The following AGAP1 variants were observed in gnomAD, a reference collection of about 807,000 sequenced individuals.
The protein encoded by AGAP1 is arf-GAP with GTPase, ANK repeat and PH domain-containing protein 1.
AGAP1 carries 29 observed loss-of-function variants against 105.3 expected under a neutral mutation model. That is an observed-to-expected ratio of 0.28 (90% CI 0.21 to 0.38). AGAP1 has a LOEUF of 0.38. Ranked by LOEUF, AGAP1 falls within the 10% of genes least tolerant of loss-of-function variation. AGAP1 has a pLI of 1.00. For synonymous variants in AGAP1, 509 were observed against 485.9 expected, an observed-to-expected ratio of 1.05 and a Z score of -0.63; for missense variants, 998 against 1,165.1, an observed-to-expected ratio of 0.86 and a Z score of 2.09.
intron 9 of AGAP1, among the ~76,000 whole-genome samples, chr2:235,868,564 G>A (rs940703562): frequency 1.3e-5 from 2 of 152,178 alleles, no homozygotes; most frequent in East Asian, 1.9e-4. Context: ...ATCCCTGTGC[G>A]AGCAGAGGCC....
At chr2:235,999,825 G>C (rs891042393) in intron 13 of AGAP1, among the ~76,000 whole-genome samples, 20 of 152,056 alleles carry the variant, frequency 1.3e-4, no homozygotes, top group African/African-American at 4.6e-4. Flanking sequence ...AATGTTGGGG[G>C]TCAGGTCTGA....
intron 1 of AGAP1, among the ~76,000 whole-genome samples, chr2:235,646,850 G>T (rs1339027982): frequency 1.3e-5 from 2 of 152,184 alleles, no homozygotes; most frequent in Non-Finnish European, 1.5e-5. Flanking sequence ...AAAGTCAAGA[G>T]TCTTGCCGCG....
At chr2:236,013,841 G>A (rs1397143502) in intron 13 of AGAP1, among the ~76,000 whole-genome samples, 1 of 152,208 alleles carries the variant, frequency 6.6e-6, no homozygotes, top group Non-Finnish European at 1.5e-5. Context: ...GAAGAGTTGA[G>A]CCACCCTGTT....
Position 235,553,235 on chromosome 2 carries a change from G to A in AGAP1, c.163+58386G>A, listed in dbSNP as rs189265228. Among the ~76,000 whole-genome samples the A allele has an allele frequency of 6.6e-6, 1 of 151,494 alleles. No individual in the cohort carries two copies. Reference sequence around the variant, plus strand: ...TGTCTTAAGTCAGTACAGATTTTAGGCTTTTTATATTAAGGGCTGGGGGAA... The same window carrying A: ...TGTCTTAAGTCAGTACAGATTTTAGACTTTTTATATTAAGGGCTGGGGGAA... On this transcript the variant is annotated intron_variant, in intron 1 of 17. Transcript: ENST00000304032. This position sits in a 1 kb window ranked among gnomAD's most constrained non-coding sequence, Gnocchi z 4.5.
In AGAP1 at chr2:235,535,215, G is replaced by T. The variant is rs1943171524; in HGVS notation, c.163+40366G>T. 6.6e-6 allele frequency among the ~76,000 whole-genome samples: 1 copy of T among 152,112 alleles called. No homozygotes were observed. Among genetic ancestry groups the T allele is most frequent in the Admixed American group, 6.5e-5 (1 of 15,284 alleles). ...TTGCCTCCCATCGTTTGCAGGAGCG[G>T]AAGACCCGATGGAGCAGGTTTCACA... On this transcript the variant is annotated intron_variant, in intron 1 of 17. Coordinates refer to ENST00000304032, the MANE Select transcript of AGAP1 (RefSeq NM_001037131.3). This position sits in a 1 kb window ranked among gnomAD's most constrained non-coding sequence, Gnocchi z 5.1.
chr2:235,673,668 A>G (rs1948564731), intron 1 of AGAP1, among the ~76,000 whole-genome samples: 1 of 152,248 alleles, frequency 6.6e-6, no homozygotes, highest in Non-Finnish European at 1.5e-5. Context: ...TTTGGATTTC[A>G]GATTGACAGC....
chr2:236,035,882 G>A lies in AGAP1; in HGVS notation c.1646-679G>A, dbSNP rs1017324047. ...GTTAGAAAAAATGAACCTCAGGGGA[G>A]TCCAGGAACTTGCCCAAAGACTTAG... On this transcript the variant is annotated intron_variant, in intron 13 of 17. Transcript: ENST00000304032. The surrounding 1 kb of genome is among the most constrained non-coding windows in gnomAD (Gnocchi z 4.2). Among the ~76,000 whole-genome samples, 1 of 152,094 alleles carries A rather than the reference G, an allele frequency of 6.6e-6. No individual in the cohort carries two copies. The highest frequency in any genetic ancestry group is 1.5e-5 in the Non-Finnish European group (1 of 68,030).
intron 12 of AGAP1, among the ~76,000 whole-genome samples, chr2:235,935,977 C>T (rs933344582): frequency 2.6e-5 from 4 of 152,152 alleles, no homozygotes; most frequent in East Asian, 3.9e-4. Flanking sequence ...GAGCCTGGCC[C>T]GGCCCTCCCC....
At position 235,811,919 on chromosome 2, in the gene AGAP1, G is replaced by A. The variant is rs1559516740; in HGVS notation, c.1050+4588G>A. Among the ~76,000 whole-genome samples the A allele has an allele frequency of 2.6e-5, 4 of 152,208 alleles. No homozygotes were observed. In the South Asian group the frequency reaches 6.2e-4, roughly 24 times the overall value. ...TTTTGAGAGAACCAGGTCTCTGCTT[G>A]CCTTGAAGAAAGGTAGGCAAAGACG... On this transcript the variant is annotated intron_variant, in intron 9 of 17. Coordinates refer to ENST00000304032, the MANE Select transcript of AGAP1 (RefSeq NM_001037131.3).
intron 16 of AGAP1, among the ~76,000 whole-genome samples, chr2:236,060,175 A>C (rs1264458965): frequency 6.6e-6 from 1 of 152,250 alleles, no homozygotes. Flanking sequence ...TTTAGAAGAA[A>C]ATACGGGGTA....
intron 16 of AGAP1, among the ~76,000 whole-genome samples, chr2:236,057,012 CAT>C (rs2058069583): frequency 6.6e-6 from 1 of 152,196 alleles, no homozygotes; most frequent in South Asian, 2.1e-4. Flanking sequence ...GTAGTGCAAA[CAT>C]ATTATGTAAC....
chr2:235,851,925 T>G (rs1282102757), intron 9 of AGAP1, among the ~76,000 whole-genome samples: 1 of 152,100 alleles, frequency 6.6e-6, no homozygotes, highest in Non-Finnish European at 1.5e-5. Flanking sequence ...CCTCCCAGCT[T>G]ATTAAAAGAA....
chr2:235,928,542 A>G (rs531573312), intron 11 of AGAP1, among the ~76,000 whole-genome samples: 4 of 152,172 alleles, frequency 2.6e-5, no homozygotes, highest in Non-Finnish European at 4.4e-5. Context: ...GTGAGAAGCT[A>G]GAAGGTGCTG....
chr2:235,740,631 A>G lies in AGAP1; in HGVS notation c.311-332A>G, dbSNP rs1204257393. Among the ~76,000 whole-genome samples, 1 of 152,184 alleles carries G rather than the reference A, an allele frequency of 6.6e-6. No individual in the cohort carries two copies. The highest frequency in any genetic ancestry group is 2.1e-4 in the South Asian group (1 of 4,830). On this transcript the variant is annotated intron_variant, in intron 3 of 17. Coordinates refer to ENST00000304032, the MANE Select transcript of AGAP1 (RefSeq NM_001037131.3). This position sits in a 1 kb window ranked among gnomAD's most constrained non-coding sequence, Gnocchi z 5.7. Reference sequence around the variant, plus strand: ...TTGTGAACCCAACAAGAGAATGACAATTTTAATGTTCTCTGTTTCCCAGTG... The same window carrying G: ...TTGTGAACCCAACAAGAGAATGACAGTTTTAATGTTCTCTGTTTCCCAGTG...
rs891720976 is a variant in AGAP1, at chr2:235,891,573, G to A, written c.1155+8124G>A. ...GGACCTCAGGGCTTCACAGTTCAGC[G>A]TGGCCACCTATTCATCTTCCATGTC... is the stretch of plus-strand genomic sequence containing the variant. On this transcript the variant is annotated intron_variant, in intron 10 of 17. Transcript: ENST00000304032. This position sits in a 1 kb window ranked among gnomAD's most constrained non-coding sequence, Gnocchi z 4.2. 3.9e-5 allele frequency among the ~76,000 whole-genome samples: 6 copies of A among 152,278 alleles called. No individual in the cohort carries two copies. The highest frequency in any genetic ancestry group is 1.3e-4 in the Admixed American group (2 of 15,304).
At chr2:235,709,577 GTCACGGAAGGC>G (rs1434085789) in intron 2 of AGAP1, among the ~76,000 whole-genome samples, 32 of 151,820 alleles carry the variant, frequency 2.1e-4, no homozygotes, top group Non-Finnish European at 4.1e-4. Flanking sequence ...TTTGCAGGAT[GTCACGGAAGGC>G]TCCACACACA....
chr2:236,074,781 A>G, intron 16 of AGAP1, among the ~76,000 whole-genome samples: 1 of 152,224 alleles, frequency 6.6e-6, no homozygotes, highest in East Asian at 1.9e-4. Context: ...CAGGCTGGGC[A>G]TGGTGGCTCA....
chr2:235,758,326 C>T (rs887779164), intron 6 of AGAP1, among the ~76,000 whole-genome samples: 5 of 152,124 alleles, frequency 3.3e-5, no homozygotes, highest in African/African-American at 1.2e-4. Flanking sequence ...AATTATGCAA[C>T]AATTTAACGG....
Position 235,960,184 on chromosome 2 carries a change from G to T in AGAP1, c.1484-8278G>T, listed in dbSNP as rs1359015404. 6.6e-6 allele frequency among the ~76,000 whole-genome samples: 1 copy of T among 152,196 alleles called. No homozygotes were observed. The highest frequency in any genetic ancestry group is 2.4e-5 in the African/African-American group (1 of 41,454). ...AAGCAGCAGATCAGAGCGTGGGCTG[G>T]TGCTGCTTCCAGGATCACAGGTGCT... On this transcript the variant is annotated intron_variant, in intron 12 of 17. Transcript: ENST00000304032. The surrounding 1 kb of genome is among the most constrained non-coding windows in gnomAD (Gnocchi z 4.9).
Sources: gnomAD v4.1 joint callset for allele counts (sites outside exome capture counted in the v4.1 genomes callset) on GRCh38, gnomAD v4.1.1 for gene constraint, Gnocchi (gnomAD v3.1) non-coding constraint, MANE v1.5 for transcripts, NCBI Gene and HGNC (gene_info 2026-07-23, HGNC 2026-07-21) for gene names.